The following POLQ variants were observed in gnomAD, a reference collection of about 807,000 sequenced individuals.
POLQ encodes epididymis secretory sperm binding protein.
POLQ carries 233 observed loss-of-function variants against 259.2 expected under a neutral mutation model. The observed-to-expected ratio is 0.90, with a 90% confidence interval of 0.81 to 1.00. POLQ has a LOEUF of 1.00. POLQ is among the 50% of genes least tolerant of loss of function. The pLI, the probability that POLQ is intolerant of heterozygous loss-of-function variation, is 0.00. For synonymous variants in POLQ, 1,025 were observed against 1,048.8 expected (o/e 0.98, Z 0.44); for missense variants, 2,871 against 3,051.6 (o/e 0.94, Z 1.39).
At chr3:121,461,449 G>A (rs1395079356) in intron 24 of POLQ, among the ~76,000 whole-genome samples, 1 of 151,962 alleles carries the variant, frequency 6.6e-6, no homozygotes, top group Non-Finnish European at 1.5e-5. Context: ...TCAGGAGATC[G>A]AGACCATCCT....
At chr3:121,537,512 A>T (rs1246410306) in intron 4 of POLQ, among the ~76,000 whole-genome samples, 2 of 152,116 alleles carry the variant, frequency 1.3e-5, no homozygotes, top group Non-Finnish European at 2.9e-5. Flanking sequence ...TGAGTACTCA[A>T]AGGTTAATTC....
At chr3:121,437,819 TAA>T (rs1263441011) in intron 27 of POLQ, among the ~76,000 whole-genome samples, 1 of 152,218 alleles carries the variant, frequency 6.6e-6, no homozygotes, top group Non-Finnish European at 1.5e-5. Context: ...TATATTTATA[TAA>T]GAGTATACAG....
rs2048095837 is a variant in POLQ, at chr3:121,494,242, C to G, written c.2279-521G>C. 3 of 1,584,232 alleles carry G rather than the reference C, an allele frequency of 1.9e-6. No homozygotes were observed. In the African/African-American group the frequency reaches 4.0e-5, roughly 21 times the overall value. ...AGAATTTTGGCACTGGACAGGACAT[C>G]CAGCCCAAAAGAGACCTCACCCGCT... is the stretch of plus-strand genomic sequence containing the variant. On this transcript the variant is annotated intron_variant, in intron 14 of 29. Coordinates refer to ENST00000264233, the MANE Select transcript of POLQ (RefSeq NM_199420.4).
intron 26 of POLQ, among the ~76,000 whole-genome samples, chr3:121,444,772 T>C (rs1388875310): frequency 6.6e-6 from 1 of 152,188 alleles, no homozygotes; most frequent in Non-Finnish European, 1.5e-5. Context: ...TGTAGAGGTA[T>C]GTTTCTTGTA....
chr3:121,478,576 TAAAAA>T (rs143898506), intron 19 of POLQ, among the ~76,000 whole-genome samples: 2 of 77,396 alleles, frequency 2.6e-5, no homozygotes, highest in African/African-American at 1.1e-4. Context: ...GGCAAATTTG[TAAAAA>T]AAAAAAAAAA....
At chr3:121,454,642 T>A (rs1379923039) in intron 25 of POLQ, among the ~76,000 whole-genome samples, 2 of 152,174 alleles carry the variant, frequency 1.3e-5, no homozygotes, top group Non-Finnish European at 2.9e-5. Context: ...AAGAAGGCCA[T>A]TACATAATGG....
rs2108784230 is a variant in POLQ, at chr3:121,460,236, T to G, written c.6968-2A>C. On this transcript the variant is annotated splice_acceptor_variant, in intron 24 of 29. Coordinates refer to ENST00000264233, the MANE Select transcript of POLQ (RefSeq NM_199420.4). LOFTEE classifies it high-confidence loss of function. The stretch of plus-strand genomic sequence containing the variant: ...AGTCAGCAGCCAGTATTGAACCACC[T>G]GAAGTAGAAGTGATTTCAGAAAAGC... 1 of 1,607,288 alleles carries G rather than the reference T, an allele frequency of 6.2e-7. No individual in the cohort carries two copies. The highest frequency in any genetic ancestry group is 1.1e-5 in the South Asian group (1 of 90,912).
In POLQ at chr3:121,545,946, C is replaced by A; in HGVS notation, c.-69G>T. ...GTCCTCCCTCTCGGGAGAACCCTGG[C>A]CTGGCAACAGCTGCGGACATCTTCC... On this transcript the variant is annotated 5_prime_UTR_variant, in exon 1 of 30. Transcript: ENST00000264233. 6.4e-7 allele frequency: 1 copy of A among 1,555,336 alleles called. No individual in the cohort carries two copies. Among genetic ancestry groups the A allele is most frequent in the Non-Finnish European group, 8.8e-7 (1 of 1,139,474 alleles).
intron 26 of POLQ, among the ~76,000 whole-genome samples, chr3:121,447,120 T>C (rs2047638143): frequency 6.6e-6 from 1 of 151,896 alleles, no homozygotes; most frequent in African/African-American, 2.4e-5. Context: ...ATCTGTTGTA[T>C]ATTTTTTTAT....
chr3:121,466,712 C>T (rs577891280), intron 24 of POLQ, among the ~76,000 whole-genome samples: 12 of 151,646 alleles, frequency 7.9e-5, no homozygotes, highest in African/African-American at 2.9e-4. Flanking sequence ...AAAAAATTAC[C>T]ATACACCACA....
intron 25 of POLQ, among the ~76,000 whole-genome samples, chr3:121,458,406 T>C (rs1187473722): frequency 6.6e-6 from 1 of 151,698 alleles, no homozygotes; most frequent in African/African-American, 2.4e-5. Context: ...TAAAAATAAA[T>C]AAATAAATAA....
chr3:121,466,944 T>G (rs551770814), intron 24 of POLQ, among the ~76,000 whole-genome samples: 1 of 152,290 alleles, frequency 6.6e-6, no homozygotes, highest in Admixed American at 6.5e-5. Flanking sequence ...ATATGTATAC[T>G]AACAGTTGGA....
Position 121,472,014 on chromosome 3 carries a change from C to T in POLQ, c.6694G>A (p.Val2232Ile), listed in dbSNP as rs1207851692. ...PFLGMERIYPVSQSHTATGRI... is the reference protein window; with the variant it reads ...PFLGMERIYPISQSHTATGRI... Reference sequence around the variant, plus strand: ...CCTGTAGCAGTGTGCGACTGTGATACAGGATAGATTCTTTCCATTCCAAGA... The same window carrying T: ...CCTGTAGCAGTGTGCGACTGTGATATAGGATAGATTCTTTCCATTCCAAGA... Residue 2232 changes from valine to isoleucine, a missense_variant, in exon 22 of 30, where the codon GTA becomes ATA. Coordinates refer to ENST00000264233, the MANE Select transcript of POLQ (RefSeq NM_199420.4). The T allele has an allele frequency of 3.9e-6, 6 of 1,550,042 alleles. No individual in the cohort carries two copies. Among genetic ancestry groups the T allele is most frequent in the Admixed American group, 1.7e-5 (1 of 57,378 alleles).
In POLQ at chr3:121,433,052, G is replaced by A; in HGVS notation, c.7544-19C>T. Reference sequence around the variant, plus strand: ...GACAATCCTACTTCATGAAAAAGGAGCAAAACTGATCAGCATGTCGCTAAG... The same window carrying A: ...GACAATCCTACTTCATGAAAAAGGAACAAAACTGATCAGCATGTCGCTAAG... On this transcript the variant is annotated intron_variant, in intron 28 of 29. Transcript: ENST00000264233. 1 of 1,332,210 alleles carries A rather than the reference G, an allele frequency of 7.5e-7. No homozygotes were observed. The highest frequency in any genetic ancestry group is 1.4e-5 in the African/African-American group (1 of 69,548). The allele number at this position is 1,332,210 out of a possible 1,614,324, so 82.5% of individuals were successfully genotyped here.
intron 19 of POLQ, among the ~76,000 whole-genome samples, chr3:121,480,508 A>T (rs1261516519): frequency 4.0e-5 from 6 of 150,552 alleles, no homozygotes; most frequent in Admixed American, 6.6e-5. Context: ...TTTTTTTGAG[A>T]TGGGGTCTCA....
chr3:121,521,711 C>T (rs1184363216), intron 8 of POLQ: 1 of 165,580 alleles, frequency 6.0e-6, no homozygotes, highest in African/African-American at 2.4e-5. Context: ...GCTGGAATTA[C>T]AGGTGCGTGC....
chr3:121,487,160 T>C, intron 16 of POLQ, 142 bp downstream of exon 16: 1 of 543,092 alleles, frequency 1.8e-6, no homozygotes, highest in Non-Finnish European at 3.2e-6. Context: ...ATAAGGCTGT[T>C]CTACACATAA....
intron 27 of POLQ, among the ~76,000 whole-genome samples, chr3:121,439,230 T>C (rs200064447): frequency 3.4e-4 from 5 of 14,572 alleles, no homozygotes; most frequent in African/African-American, 1.0e-3. Context: ...GATAGTGCCT[T>C]TTTTTTTTTT....
chr3:121,462,894 G>C (rs2047803573), intron 24 of POLQ, among the ~76,000 whole-genome samples: 1 of 152,182 alleles, frequency 6.6e-6, no homozygotes, highest in Non-Finnish European at 1.5e-5. Context: ...TCTGACAAAA[G>C]AAAACCTTAT....
Sources: gnomAD v4.1 joint callset for allele counts (sites outside exome capture counted in the v4.1 genomes callset) on GRCh38, gnomAD v4.1.1 for gene constraint, MANE v1.5 for transcripts, NCBI Gene and HGNC (gene_info 2026-07-23, HGNC 2026-07-21) for gene names.